LYPD6: variants seen among roughly 807,000 people sequenced by gnomAD.
LYPD6 encodes LY6/PLAUR domain containing 6.
A neutral mutation model predicts 22.7 loss-of-function variants in LYPD6; 15 were observed. The ratio of observed to expected loss-of-function variants is 0.66; its 90% CI spans 0.44 to 1.02. The LOEUF is 1.02. Among genes scored for constraint, LYPD6 ranks in the 50% least tolerant of loss-of-function variants. The pLI, the probability that LYPD6 is intolerant of heterozygous loss-of-function variation, is 0.00. For missense variants in LYPD6, 189 were observed against 208.4 expected, an observed-to-expected ratio of 0.91 and a Z score of 0.57; for synonymous variants, 72 against 77.5, an observed-to-expected ratio of 0.93 and a Z score of 0.37.
rs117440314 is a variant in LYPD6 at position 149,427,973 on chromosome 2, G to C, written c.-71-9665G>C. ...CCTATAACTCTAGCCTTGCCAAGGG[G>C]CTCCAGAAAGAGAAATGAACTTTTT... On this transcript the variant is annotated intron_variant, in intron 1 of 4. Coordinates refer to ENST00000334166, the MANE Select transcript of LYPD6 (RefSeq NM_194317.5). Among the ~76,000 whole-genome samples, 80 of 152,318 alleles carry C rather than the reference G, an allele frequency of 5.3e-4. No homozygotes were observed. The East Asian group carries it at 7.7e-3, about 15-fold the overall frequency.
chr2:149,485,841 C>CCCCATTTGAAAGATGGGA, the LYPD6 span, among the ~76,000 whole-genome samples: 3 of 152,134 alleles, frequency 2.0e-5, no homozygotes, highest in Admixed American at 6.6e-5. Flanking sequence ...ACATGGGAAG[C>CCCCATTTGAAAGATGGGA]ACAATATGGA....
At chr2:149,435,706 C>T (rs1166526700) in intron 1 of LYPD6, among the ~76,000 whole-genome samples, 1 of 152,228 alleles carries the variant, frequency 6.6e-6, no homozygotes, top group African/African-American at 2.4e-5. Flanking sequence ...AGCACAGTGC[C>T]TGGCAGTCAC....
chr2:149,351,386 T>A (rs1573734681), intron 1 of LYPD6, among the ~76,000 whole-genome samples: 1 of 103,066 alleles, frequency 9.7e-6, no homozygotes, highest in African/African-American at 3.5e-5. Context: ...AGAGTGAGAC[T>A]CCATCTAAAA....
At chr2:149,339,285 C>T (rs1047527589) in intron 1 of LYPD6, among the ~76,000 whole-genome samples, 4 of 152,132 alleles carry the variant, frequency 2.6e-5, no homozygotes, top group Non-Finnish European at 5.9e-5. Context: ...AAATGGTCCA[C>T]GGCTCAGGTG....
intron 1 of LYPD6, among the ~76,000 whole-genome samples, chr2:149,368,638 A>C (rs1351074668): frequency 6.6e-6 from 1 of 152,222 alleles, no homozygotes; most frequent in Non-Finnish European, 1.5e-5. Context: ...ACCTTAAAGG[A>C]ATCAAGGGAT....
chr2:149,393,420 T>C (rs1040511664), intron 1 of LYPD6, among the ~76,000 whole-genome samples: 1 of 152,148 alleles, frequency 6.6e-6, no homozygotes, highest in Non-Finnish European at 1.5e-5. Flanking sequence ...TGTGTGATGA[T>C]AACAGGGTAT....
intron 1 of LYPD6, among the ~76,000 whole-genome samples, chr2:149,408,252 T>C (rs535622521): frequency 3.9e-5 from 6 of 152,308 alleles, no homozygotes; most frequent in African/African-American, 1.4e-4. Flanking sequence ...GGAGAACCAC[T>C]GTTCTCCTCA....
intron 1 of LYPD6, among the ~76,000 whole-genome samples, chr2:149,350,366 T>C (rs1169190240): frequency 6.6e-6 from 1 of 152,250 alleles, no homozygotes; most frequent in African/African-American, 2.4e-5. Flanking sequence ...GCCTTTAAAA[T>C]AATGTGGTGT....
intron 1 of LYPD6, among the ~76,000 whole-genome samples, chr2:149,344,477 T>G (rs1401825393): frequency 6.6e-6 from 1 of 152,098 alleles, no homozygotes; most frequent in Non-Finnish European, 1.5e-5. Flanking sequence ...AAAGAATAAT[T>G]TACAAAAGAC....
chr2:149,339,286 G>A (rs111440542), intron 1 of LYPD6, among the ~76,000 whole-genome samples: 10 of 152,150 alleles, frequency 6.6e-5, no homozygotes, highest in African/African-American at 2.2e-4. Context: ...AATGGTCCAC[G>A]GCTCAGGTGT....
intron 1 of LYPD6, among the ~76,000 whole-genome samples, chr2:149,383,348 G>C (rs1422061936): frequency 6.6e-6 from 1 of 152,018 alleles, no homozygotes; most frequent in Non-Finnish European, 1.5e-5. Flanking sequence ...ACATCTTTTG[G>C]CTCATTGATT....
chr2:149,380,318 CT>C (rs1279345411), intron 1 of LYPD6, among the ~76,000 whole-genome samples: 1 of 152,180 alleles, frequency 6.6e-6, no homozygotes. Flanking sequence ...TAAGACATAA[CT>C]TATCTTTTAA....
In LYPD6 at chr2:149,470,671, C is replaced by T. The variant is rs1284733151; in HGVS notation, c.349-12C>T. On this transcript the variant is annotated splice_polypyrimidine_tract_variant and intron_variant, in intron 4 of 4. Coordinates refer to ENST00000334166, the MANE Select transcript of LYPD6 (RefSeq NM_194317.5). ...TGGCTTCTCATTATCTTTTTTTCTT[C>T]CTTTCTTTCAGGTCTGCACTTCTTG... The T allele has an allele frequency of 2.5e-6, 4 of 1,600,690 alleles. No homozygotes were observed. Among genetic ancestry groups the T allele is most frequent in the Admixed American group, 1.7e-5 (1 of 58,840 alleles).
chr2:149,411,141 C>G (rs1240338824), intron 1 of LYPD6, among the ~76,000 whole-genome samples: 2 of 152,170 alleles, frequency 1.3e-5, no homozygotes, highest in Non-Finnish European at 2.9e-5. Context: ...CTCCATTCCA[C>G]AGACCTAATG....
intron 2 of LYPD6, among the ~76,000 whole-genome samples, chr2:149,445,676 TA>T (rs1227579024): frequency 6.6e-6 from 1 of 152,238 alleles, no homozygotes; most frequent in African/African-American, 2.4e-5. Flanking sequence ...TCTCAGCCTT[TA>T]TAGAACTAAT....
intron 1 of LYPD6, among the ~76,000 whole-genome samples, chr2:149,409,010 C>T (rs1014877408): frequency 3.3e-5 from 5 of 152,042 alleles, no homozygotes; most frequent in Admixed American, 2.6e-4. Context: ...AATTGTTTTT[C>T]TGGTTCTTTC....
chr2:149,337,876 A>T (rs1226317214), intron 1 of LYPD6, among the ~76,000 whole-genome samples: 1 of 152,174 alleles, frequency 6.6e-6, no homozygotes, highest in Non-Finnish European at 1.5e-5. Flanking sequence ...TTATAAGAGC[A>T]TGTGGTATTA....
rs555573590 is a variant in LYPD6, at chr2:149,346,723, C to T, written c.-72+16001C>T. 1.2e-4 allele frequency among the ~76,000 whole-genome samples: 19 copies of T among 152,186 alleles called. No homozygotes were observed. The South Asian group carries it at 3.5e-3, about 28-fold the overall frequency. On this transcript the variant is annotated intron_variant, in intron 1 of 4. Coordinates refer to ENST00000334166, the MANE Select transcript of LYPD6 (RefSeq NM_194317.5). ...TAGTTTTGTTTTTTGTTTTTTGAGA[C>T]GGAGTCTTGCTCTGTCACCCAGGCT...
At chr2:149,345,888 G>T (rs1314044052) in intron 1 of LYPD6, among the ~76,000 whole-genome samples, 1 of 152,080 alleles carries the variant, frequency 6.6e-6, no homozygotes, top group African/African-American at 2.4e-5. Flanking sequence ...GCCTCCTTGA[G>T]TTGCCTTAGT....
Sources: allele counts gnomAD v4.1 joint callset (sites outside exome capture counted in the v4.1 genomes callset), GRCh38; gene constraint gnomAD v4.1.1; transcripts MANE v1.5; gene names NCBI Gene and HGNC (gene_info 2026-07-23, HGNC 2026-07-21).